PLAC1: variants seen among roughly 807,000 people sequenced by gnomAD.
PLAC1 encodes placenta associated 1.
For missense variants in PLAC1, 136 were observed against 163.2 expected, an observed-to-expected ratio of 0.83 and a Z score of 0.91; for synonymous variants, 68 against 62.1, an observed-to-expected ratio of 1.09 and a Z score of -0.44.
intron 2 of PLAC1, among the ~76,000 whole-genome samples, chrX:134,728,712 CA>C (rs889310476): frequency 1.8e-5 from 2 of 111,906 alleles, no homozygotes; most frequent in Admixed American, 1.9e-4. Flanking sequence ...AAAAGAACAC[CA>C]GTAAATTTAA....
chrX:134,606,358 G>T (rs994166406), intron 1 of PLAC1: 4 of 111,351 alleles, frequency 3.6e-5, no homozygotes, highest in Non-Finnish European at 7.5e-5. Flanking sequence ...CACTAATCTG[G>T]CTAGATTGCT....
intron 2 of PLAC1, among the ~76,000 whole-genome samples, chrX:134,696,690 T>A (rs181093010): frequency 4.5e-5 from 5 of 111,603 alleles, no homozygotes; most frequent in Admixed American, 3.8e-4. Flanking sequence ...AAGGTCAGGC[T>A]TGCAAGCGGC....
intron 1 of PLAC1, among the ~76,000 whole-genome samples, chrX:134,636,277 T>C (rs1447523086): frequency 8.9e-6 from 1 of 112,319 alleles, no homozygotes; most frequent in Non-Finnish European, 1.9e-5. Context: ...CCTTGGCATC[T>C]TAACACAAGT....
chrX:134,723,134 C>G (rs2147839401), intron 2 of PLAC1, among the ~76,000 whole-genome samples: 1 of 110,803 alleles, frequency 9.0e-6, no homozygotes, highest in Non-Finnish European at 1.9e-5. Flanking sequence ...TTTTAAAAAA[C>G]TTTAAATATA....
chrX:134,752,047 T>C (rs1259695409), intron 1 of PLAC1, among the ~76,000 whole-genome samples: 6 of 111,859 alleles, frequency 5.4e-5, no homozygotes, highest in African/African-American at 1.6e-4. Context: ...TGAGGCTACA[T>C]TGTGAGGAGA....
At chrX:134,665,426 T>C (rs2078433417) in intron 2 of PLAC1, among the ~76,000 whole-genome samples, 2 of 111,992 alleles carry the variant, frequency 1.8e-5, no homozygotes, top group Non-Finnish European at 3.8e-5. Flanking sequence ...CAGCACAATG[T>C]ATTTATCCAT....
At chrX:134,701,289 A>G (rs1196691232) in intron 2 of PLAC1, among the ~76,000 whole-genome samples, 1 of 111,972 alleles carries the variant, frequency 8.9e-6, no homozygotes, top group Non-Finnish European at 1.9e-5. Context: ...AATTAACTCA[A>G]GATGGATCAA....
At chrX:134,706,521 T>TA (rs1327808737) in intron 2 of PLAC1, among the ~76,000 whole-genome samples, 2 of 111,970 alleles carry the variant, frequency 1.8e-5, no homozygotes, top group Admixed American at 9.5e-5. Flanking sequence ...CAAAGTTGAA[T>TA]AAAAAATCAC....
chrX:134,585,399 C>T (rs959000920), intron 2 of PLAC1, among the ~76,000 whole-genome samples: 2 of 110,365 alleles, frequency 1.8e-5, no homozygotes, highest in South Asian at 3.9e-4. Flanking sequence ...CTTTCTAACA[C>T]GTGTAACTTC....
intron 2 of PLAC1, among the ~76,000 whole-genome samples, chrX:134,595,271 T>C (rs2078057086): frequency 9.0e-6 from 1 of 111,167 alleles, no homozygotes; most frequent in Admixed American, 9.7e-5. Flanking sequence ...GTTTCTTTTA[T>C]GGCTCAGAAT....
intron 1 of PLAC1, among the ~76,000 whole-genome samples, chrX:134,622,393 A>C (rs1263021611): frequency 9.1e-6 from 1 of 109,691 alleles, no homozygotes; most frequent in African/African-American, 3.3e-5. Context: ...AGTCATCCTT[A>C]CTACATGGGC....
intron 2 of PLAC1, among the ~76,000 whole-genome samples, chrX:134,732,818 C>A (rs1349177426): frequency 8.9e-6 from 1 of 112,269 alleles, no homozygotes; most frequent in Non-Finnish European, 1.9e-5. Flanking sequence ...CAGCTGAACA[C>A]ATTGTTTTTG....
chrX:134,608,574 G>A (rs1471399664), intron 1 of PLAC1, among the ~76,000 whole-genome samples: 3 of 111,884 alleles, frequency 2.7e-5, no homozygotes, highest in Non-Finnish European at 5.6e-5. Context: ...ATTTCCTTTG[G>A]GATGATGAAA....
chrX:134,617,041 T>C (rs1380559081), intron 1 of PLAC1, among the ~76,000 whole-genome samples: 2 of 107,998 alleles, frequency 1.9e-5, no homozygotes, highest in African/African-American at 6.8e-5. Context: ...CAGTCAGGAG[T>C]GCACTGGCAC....
At chrX:134,708,098 C>G (rs1298242885) in intron 2 of PLAC1, among the ~76,000 whole-genome samples, 1 of 112,050 alleles carries the variant, frequency 8.9e-6, no homozygotes, top group Non-Finnish European at 1.9e-5. Flanking sequence ...ACAGAAAACA[C>G]TCAAACCAGA....
chrX:134,588,319 T>C lies in PLAC1; in HGVS notation c.-59+13732A>G, dbSNP rs192616234. On this transcript the variant is annotated intron_variant, in intron 2 of 2. Coordinates refer to ENST00000359237, the MANE Select transcript of PLAC1 (RefSeq NM_021796.4). Reference sequence around the variant, plus strand: ...ATTTATTTATTTATTTATTTATTTATTTATTTATTTATTTATTTATTGTGA... The same window carrying C: ...ATTTATTTATTTATTTATTTATTTACTTATTTATTTATTTATTTATTGTGA... Among the ~76,000 whole-genome samples the C allele has an allele frequency of 5.3e-3, 559 of 105,829 alleles. 3 individuals are homozygous for C. Among genetic ancestry groups the C allele is most frequent in the African/African-American group, 0.018 (535 of 29,158 alleles). The allele number at this position is 105,829 out of a possible 115,157, so 91.9% of individuals were successfully genotyped here.
intron 2 of PLAC1, among the ~76,000 whole-genome samples, chrX:134,723,675 G>A (rs1388728658): frequency 2.7e-5 from 3 of 110,737 alleles, no homozygotes; most frequent in Non-Finnish European, 5.7e-5. Context: ...CAGATTCAAG[G>A]AGTAAAATGT....
intron 2 of PLAC1, among the ~76,000 whole-genome samples, chrX:134,713,898 G>A (rs979526222): frequency 4.5e-5 from 5 of 111,139 alleles, no homozygotes; most frequent in Non-Finnish European, 9.4e-5. Flanking sequence ...GTAGGGACTG[G>A]CAGCCCCACC....
At chrX:134,684,536 T>G (rs534613721) in intron 2 of PLAC1, among the ~76,000 whole-genome samples, 1 of 111,512 alleles carries the variant, frequency 9.0e-6, no homozygotes, top group African/African-American at 3.3e-5. Flanking sequence ...ACAGGTCATC[T>G]GTCCTAGCTA....
Sources: allele counts gnomAD v4.1 joint callset (sites outside exome capture counted in the v4.1 genomes callset), GRCh38; gene constraint gnomAD v4.1.1; transcripts MANE v1.5; gene names NCBI Gene and HGNC (gene_info 2026-07-23, HGNC 2026-07-21).